The following GARRE1 variants were observed in gnomAD, a reference collection of about 807,000 sequenced individuals.
The protein encoded by GARRE1 is granule associated Rac and RHOG effector 1.
In GARRE1, 49 loss-of-function variants were observed where a neutral mutation model predicts 103.2. The observed-to-expected ratio is 0.47, with a 90% CI of 0.38 to 0.60. The LOEUF is 0.60. Ranked by LOEUF, GARRE1 falls within the 20% of genes least tolerant of loss-of-function variation. GARRE1 has a pLI of 0.00. For synonymous variants in GARRE1, 505 were observed against 532.8 expected, an observed-to-expected ratio of 0.95 and a Z score of 0.72; for missense variants, 1,199 against 1,370.5, an observed-to-expected ratio of 0.87 and a Z score of 1.98.
chr19:34,280,292 G>C (rs1247733267), intron 1 of GARRE1, among the ~76,000 whole-genome samples: 1 of 152,148 alleles, frequency 6.6e-6, no homozygotes, highest in Non-Finnish European at 1.5e-5. Flanking sequence ...ATTTGTGTGG[G>C]GACACAGATT....
chr19:34,334,624 A>G (rs985137950), intron 8 of GARRE1, among the ~76,000 whole-genome samples: 4 of 151,244 alleles, frequency 2.6e-5, no homozygotes, highest in African/African-American at 9.7e-5. Context: ...GCTTGAACCC[A>G]GGAGGCGGAG....
Position 34,326,376 on chromosome 19 carries a change from A to G in GARRE1, c.706-1045A>G, listed in dbSNP as rs117131722. Among the ~76,000 whole-genome samples, 106 of 152,356 alleles carry G rather than the reference A, an allele frequency of 7.0e-4. 3 individuals are homozygous for G. The East Asian group carries it at 0.018, about 26-fold the overall frequency. ...TCACAGAATTGCAACAAAAATAGAA[A>G]TCTAAAAACAGTTCATCTGGAATCC... On this transcript the variant is annotated intron_variant, in intron 3 of 13. Coordinates refer to ENST00000299505, the MANE Select transcript of GARRE1 (RefSeq NM_014686.5).
In GARRE1 at chr19:34,348,041, G is replaced by A. The variant is rs2074220755; in HGVS notation, c.2686G>A (p.Gly896Arg). 1 of 1,476,740 alleles carries A rather than the reference G, an allele frequency of 6.8e-7. No homozygotes were observed. Among genetic ancestry groups the A allele is most frequent in the African/African-American group, 1.4e-5 (1 of 70,044 alleles). 91.5% of individuals were successfully genotyped at this position (1,476,740 alleles called of 1,614,324 possible). Residue 896 changes from glycine to arginine, a missense_variant and splice_region_variant, in exon 11 of 14, where the codon GGG (glycine) becomes AGG (arginine). By Grantham distance (125) the Gly-to-Arg change is moderately radical. Transcript: ENST00000299505. ...TWPFPEFFTE[G>R]DGLHGGWSGA... is the part of the protein sequence containing the mutation. ...GCCCTTCCCCGAGTTCTTCACAGAA[G>A]GGTGAGTGCTGGGTACTTCAGGGAA... is the stretch of plus-strand genomic sequence containing the variant.
intron 1 of GARRE1, among the ~76,000 whole-genome samples, chr19:34,272,522 C>T (rs550531182): frequency 1.3e-5 from 2 of 152,244 alleles, no homozygotes; most frequent in African/African-American, 4.8e-5. Context: ...AACTTGAAGA[C>T]CCTGCAGAGA....
intron 6 of GARRE1, among the ~76,000 whole-genome samples, chr19:34,329,843 G>GAA (rs201786458): frequency 1.4e-4 from 19 of 136,314 alleles, no homozygotes; most frequent in African/African-American, 5.1e-4. Flanking sequence ...TCTCAAAAAA[G>GAA]AAAAAAAAAA....
chr19:34,261,257 T>C (rs2145950559), intron 1 of GARRE1, among the ~76,000 whole-genome samples: 1 of 152,282 alleles, frequency 6.6e-6, no homozygotes, highest in East Asian at 1.9e-4. Context: ...TTCTGATTTG[T>C]AGAATGGGGA....
chr19:34,261,307 C>CT (rs1418232179), intron 1 of GARRE1, among the ~76,000 whole-genome samples: 1 of 152,090 alleles, frequency 6.6e-6, no homozygotes, highest in African/African-American at 2.4e-5. Flanking sequence ...AGTGAGGGCT[C>CT]TGAGCGTGCT....
Position 34,300,858 on chromosome 19 carries a change from A to T in GARRE1, c.385A>T (p.Ser129Cys), listed in dbSNP as rs1335604984. The T allele has an allele frequency of 9.3e-6, 15 of 1,613,762 alleles. No individual in the cohort carries two copies. The highest frequency in any genetic ancestry group is 1.6e-4 in the Middle Eastern group (1 of 6,084). ...DVQEHVMEAA[S>C]RLTSAIKPEI... Reference sequence around the variant, plus strand: ...GCAGGAGCATGTCATGGAAGCAGCCAGTCGGCTGACCTCGGCCATAAAGCC... The same window carrying T: ...GCAGGAGCATGTCATGGAAGCAGCCTGTCGGCTGACCTCGGCCATAAAGCC... The change falls in exon 2 of 14, where the codon AGT becomes TGT. Residue 129 changes from serine to cysteine, a missense_variant. By Grantham distance (112) the Ser-to-Cys change is moderately radical (BLOSUM62 -1). Transcript: ENST00000299505.
In GARRE1 at chr19:34,295,911, G is replaced by T. The variant is rs548569110; in HGVS notation, c.-795-3768G>T. ...TTTAGTTGTCCCATCACCATTTATT[G>T]AAGAGACTGTTCTTTCCCCACTGGA... On this transcript the variant is annotated intron_variant, in intron 1 of 13. Transcript: ENST00000299505. 2.1e-3 allele frequency among the ~76,000 whole-genome samples: 315 copies of T among 152,240 alleles called. 2 individuals are homozygous for T. Among genetic ancestry groups the T allele is most frequent in the Middle Eastern group, 0.017 (5 of 292 alleles).
intron 12 of GARRE1, among the ~76,000 whole-genome samples, chr19:34,349,962 G>A (rs1311338673): frequency 6.6e-6 from 1 of 152,188 alleles, no homozygotes; most frequent in African/African-American, 2.4e-5. Context: ...GGGAGGCTGA[G>A]GTGGGAGGAT....
chr19:34,278,405 C>T (rs2073830344), intron 1 of GARRE1, among the ~76,000 whole-genome samples: 1 of 131,670 alleles, frequency 7.6e-6, no homozygotes, highest in South Asian at 2.5e-4. Context: ...AATTGTGCCA[C>T]TAGTACTCCA....
At chr19:34,286,609 C>T (rs2073888452) in intron 1 of GARRE1, among the ~76,000 whole-genome samples, 1 of 150,892 alleles carries the variant, frequency 6.6e-6, no homozygotes, top group South Asian at 2.1e-4. Flanking sequence ...TCACGCCATT[C>T]TCCTGCCTCA....
chr19:34,319,969 A>G lies in GARRE1; in HGVS notation c.558A>G (p.Leu186=). 1 of 1,614,242 alleles carries G rather than the reference A, an allele frequency of 6.2e-7. No homozygotes were observed. Among genetic ancestry groups the G allele is most frequent in the Non-Finnish European group, 8.5e-7 (1 of 1,180,052 alleles). ...QVHFQFLTHA[L]QKVQPVAHSC... The stretch of plus-strand genomic sequence containing the variant: ...ATTTCCAGTTTTTGACTCATGCGTT[A>G]CAGAAGGTCCAGCCGGTGGCTCACT... Residue 186 remains leucine, a synonymous_variant, in exon 3 of 14, where the codon TTA becomes TTG. Transcript: ENST00000299505.
chr19:34,302,854 C>T (rs1263655669), intron 2 of GARRE1, among the ~76,000 whole-genome samples: 1 of 150,562 alleles, frequency 6.6e-6, no homozygotes, highest in Non-Finnish European at 1.5e-5. Flanking sequence ...TAGCAGTTCT[C>T]CTGCCTCAGC....
chr19:34,331,047 G>C (rs755532847), intron 7 of GARRE1, among the ~76,000 whole-genome samples: 1 of 151,400 alleles, frequency 6.6e-6, no homozygotes, highest in Non-Finnish European at 1.5e-5. Flanking sequence ...CTACAGGCAC[G>C]CACCACCATG....
chr19:34,344,230 AG>A (rs2074199830), intron 10 of GARRE1, among the ~76,000 whole-genome samples: 1 of 152,226 alleles, frequency 6.6e-6, no homozygotes, highest in Non-Finnish European at 1.5e-5. Context: ...TTTCATTCAC[AG>A]GGGAGTACTG....
chr19:34,349,147 A>G lies in GARRE1; in HGVS notation c.2819A>G (p.Gln940Arg), dbSNP rs372227749. The G allele has an allele frequency of 4.3e-6, 7 of 1,612,144 alleles. No individual in the cohort carries two copies. The highest frequency in any genetic ancestry group is 2.7e-5 in the African/African-American group (2 of 74,894). ...CCTGACCTCGTTGCTGCTGTCAAGC[A>G]GAGAAGGTATGAAGGGATTTCTAAA... The part of the protein sequence containing the change: ...SGPDLVAAVK[Q>R]RRKHSSGEQD... The change falls in exon 12 of 14, where the codon CAG (glutamine) becomes CGG (arginine). Residue 940 changes from glutamine (Q) to arginine (R), a missense_variant. By Grantham distance (43) the Gln-to-Arg change is conservative. Transcript: ENST00000299505.
Position 34,327,465 on chromosome 19 carries a change from A to G in GARRE1, c.750A>G (p.Ala250=), listed in dbSNP as rs776002841. 6.2e-7 allele frequency: 1 copy of G among 1,614,148 alleles called. No individual in the cohort carries two copies. The highest frequency in any genetic ancestry group is 1.7e-5 in the Admixed American group (1 of 60,030). ...LRERGCDGCL[A]GIEVQQLFCS... ...AAAGAGGCTGTGATGGTTGCCTGGC[A>G]GGAATTGAAGTTCAACAACTCTTTT... The change falls in exon 4 of 14, where the codon GCA becomes GCG. Residue 250 remains alanine, a synonymous_variant. Transcript: ENST00000299505.
intron 1 of GARRE1, among the ~76,000 whole-genome samples, chr19:34,263,868 G>A (rs2073735253): frequency 6.6e-6 from 1 of 152,140 alleles, no homozygotes; most frequent in African/African-American, 2.4e-5. Context: ...GTAGCATGGA[G>A]GTTAAGAGTG....
Sources: gnomAD v4.1 joint callset for allele counts (sites outside exome capture counted in the v4.1 genomes callset) on GRCh38, gnomAD v4.1.1 for gene constraint, MANE v1.5 for transcripts, NCBI Gene and HGNC (gene_info 2026-07-23, HGNC 2026-07-21) for gene names.